ARID5B: variants seen among roughly 807,000 people sequenced by gnomAD.
The protein encoded by ARID5B is AT-rich interactive domain-containing protein 5B.
In ARID5B, 13 loss-of-function variants were observed where a neutral mutation model predicts 97.2. That is an observed-to-expected ratio of 0.13 (90% CI 0.09 to 0.21). The LOEUF (loss-of-function observed/expected upper bound fraction) is 0.21. Among genes scored for constraint, ARID5B ranks in the 10% least tolerant of loss-of-function variants. ARID5B has a pLI of 1.00. For missense variants in ARID5B, 1,210 were observed against 1,465.3 expected (o/e 0.83, Z 2.84); for synonymous variants, 556 against 570.3 (o/e 0.97, Z 0.36).
chr10:61,903,210 C>T (rs953184492), intron 2 of ARID5B, among the ~76,000 whole-genome samples: 2 of 151,866 alleles, frequency 1.3e-5, no homozygotes, highest in Admixed American at 6.6e-5. Flanking sequence ...GGTGTGTGCT[C>T]GCCCACTGGC....
In ARID5B at chr10:62,092,704, C is replaced by G; in HGVS notation, c.3241C>G (p.Leu1081Val). 6.2e-7 allele frequency: 1 copy of G among 1,614,112 alleles called. No homozygotes were observed. The highest frequency in any genetic ancestry group is 8.5e-7 in the Non-Finnish European group (1 of 1,180,012). Residue 1081 changes from leucine (L) to valine (V), a missense_variant, in exon 10 of 10, where the codon CTG becomes GTG. Physicochemically the swap from Leu to Val is conservative, Grantham distance 32. Transcript: ENST00000279873. Reference protein sequence around the residue: ...LPLSSPIFPGLYSGSLCNSGL... With the variant: ...LPLSSPIFPGVYSGSLCNSGL... ...CCTCTCCTCCCCTATCTTCCCAGGTCTGTATTCCGGGAGCCTGTGTAACTC... is the reference window on the plus strand; with the variant it reads ...CCTCTCCTCCCCTATCTTCCCAGGTGTGTATTCCGGGAGCCTGTGTAACTC...
At chr10:61,913,882 G>C (rs1048207986) in intron 2 of ARID5B, among the ~76,000 whole-genome samples, 1 of 152,192 alleles carries the variant, frequency 6.6e-6, no homozygotes, top group Non-Finnish European at 1.5e-5. Context: ...CTCCTGAGTA[G>C]CTGGGATTAC....
At chr10:62,035,985 C>T (rs997499678) in intron 4 of ARID5B, among the ~76,000 whole-genome samples, 4 of 151,670 alleles carry the variant, frequency 2.6e-5, no homozygotes, top group Non-Finnish European at 4.4e-5. Flanking sequence ...CCACCATGCC[C>T]ATGTAATTTT....
At chr10:62,082,117 G>A (rs993253022) in intron 8 of ARID5B, among the ~76,000 whole-genome samples, 3 of 151,858 alleles carry the variant, frequency 2.0e-5, no homozygotes, top group African/African-American at 7.3e-5. Context: ...GCTTTGGGGT[G>A]GAAAATGTTA....
chr10:61,940,471 GA>G (rs1844380896), intron 3 of ARID5B, 63 bp downstream of exon 3: 1 of 1,363,574 alleles, frequency 7.3e-7, no homozygotes, highest in Non-Finnish European at 1.0e-6. Flanking sequence ...TTCGGTTGAA[GA>G]TTTTTCTGGA....
At chr10:62,043,673 G>T (rs541265856) in intron 4 of ARID5B, among the ~76,000 whole-genome samples, 1 of 152,198 alleles carries the variant, frequency 6.6e-6, no homozygotes, top group East Asian at 1.9e-4. Context: ...CTGTTTTTAA[G>T]TGTTTCTGAG....
At chr10:62,069,959 T>C (rs1159966322) in intron 8 of ARID5B, among the ~76,000 whole-genome samples, 162 bp downstream of exon 8, 2 of 152,122 alleles carry the variant, frequency 1.3e-5, no homozygotes, top group African/African-American at 4.8e-5. Context: ...TTAGGGAACA[T>C]GGCTTTCTCT....
intron 2 of ARID5B, among the ~76,000 whole-genome samples, chr10:61,921,442 C>T (rs1267511879): frequency 6.6e-6 from 1 of 152,224 alleles, no homozygotes; most frequent in Non-Finnish European, 1.5e-5. Context: ...GCCCTCAGTT[C>T]CTCTCAGGCA....
At chr10:61,973,874 A>G (rs1226097290) in intron 3 of ARID5B, among the ~76,000 whole-genome samples, 3 of 152,266 alleles carry the variant, frequency 2.0e-5, no homozygotes, top group African/African-American at 7.2e-5. Context: ...ATGCTTTTAC[A>G]GTGCAGTGCG....
At position 62,031,355 on chromosome 10, in the gene ARID5B, T is replaced by C. The variant is rs1354715892; in HGVS notation, c.734-19533T>C. Reference sequence around the variant, plus strand: ...ACAAGAAGGACCTCTTAAGTGTAGATTGGTCCACTTTTCTGCCTTCCAGCA... The same window carrying C: ...ACAAGAAGGACCTCTTAAGTGTAGACTGGTCCACTTTTCTGCCTTCCAGCA... On this transcript the variant is annotated intron_variant, in intron 4 of 9. Transcript: ENST00000279873. 2.0e-5 allele frequency among the ~76,000 whole-genome samples: 3 copies of C among 151,976 alleles called. No homozygotes were observed. The East Asian group carries it at 5.8e-4, about 30-fold the overall frequency.
In ARID5B at chr10:62,050,876, AT is replaced by A. The variant is rs1290880769; in HGVS notation, c.734-9del. 1 of 1,610,400 alleles carries A rather than the reference AT, an allele frequency of 6.2e-7. No individual in the cohort carries two copies. The highest frequency in any genetic ancestry group is 1.1e-5 in the South Asian group (1 of 90,770). On this transcript the variant is annotated splice_polypyrimidine_tract_variant and intron_variant, in intron 4 of 9. Transcript: ENST00000279873. ...TGAAAATGTATATCAATTGTTTTCCATTTGTTTTCAGCGCCAAATCTTAAAG... is the reference window on the plus strand; with the variant it reads ...TGAAAATGTATATCAATTGTTTTCCATTGTTTTCAGCGCCAAATCTTAAAG...
At chr10:61,945,778 T>A (rs1357546790) in intron 3 of ARID5B, among the ~76,000 whole-genome samples, 1 of 152,042 alleles carries the variant, frequency 6.6e-6, no homozygotes, top group Non-Finnish European at 1.5e-5. Flanking sequence ...TAGTACATTA[T>A]TATTATCAGA....
At chr10:61,940,098 T>A in intron 2 of ARID5B, 85 bp from the exon 3 acceptor site, 6 of 1,276,704 alleles carry the variant, frequency 4.7e-6, no homozygotes, top group Non-Finnish European at 6.8e-6. Context: ...TCACATGGCA[T>A]TTCAGATGGG....
intron 2 of ARID5B, among the ~76,000 whole-genome samples, chr10:61,908,820 A>AAAAAAG (rs1251041161): frequency 1.4e-5 from 2 of 146,262 alleles, no homozygotes; most frequent in African/African-American, 5.3e-5. Context: ...AAAAAAAAAA[A>AAAAAAG]AAGAAGAAGA....
chr10:62,006,346 G>A (rs1376060233), intron 4 of ARID5B, among the ~76,000 whole-genome samples: 1 of 152,172 alleles, frequency 6.6e-6, no homozygotes, highest in East Asian at 1.9e-4. Context: ...GGAGGCTGAG[G>A]CAGGAGAATC....
At chr10:62,068,734 T>A (rs143532255) in intron 7 of ARID5B, among the ~76,000 whole-genome samples, 103 of 152,266 alleles carry the variant, frequency 6.8e-4, no homozygotes, top group African/African-American at 2.3e-3. Context: ...GCCGCAGAAC[T>A]TGTTCTGTCT....
At chr10:62,084,957 ACTAAACTGT>A (rs1564647559) in intron 8 of ARID5B, among the ~76,000 whole-genome samples, 1 of 152,198 alleles carries the variant, frequency 6.6e-6, no homozygotes, top group East Asian at 1.9e-4. Context: ...GTGGGATAAG[ACTAAACTGT>A]CTCTTGGCCA....
At chr10:61,901,821 C>A in intron 1 of ARID5B, 91 bp downstream of exon 1, 1 of 1,030,640 alleles carries the variant, frequency 9.7e-7, no homozygotes. Flanking sequence ...CCACCCACAC[C>A]CCCCACAAAC....
At chr10:61,907,056 T>C (rs1302809001) in intron 2 of ARID5B, among the ~76,000 whole-genome samples, 3 of 152,220 alleles carry the variant, frequency 2.0e-5, no homozygotes, top group Admixed American at 6.5e-5. Flanking sequence ...ACTGAAAAGT[T>C]TTTCCGTGTG....
Sources: gnomAD v4.1 joint callset for allele counts (sites outside exome capture counted in the v4.1 genomes callset) on GRCh38, gnomAD v4.1.1 for gene constraint, MANE v1.5 for transcripts, NCBI Gene and HGNC (gene_info 2026-07-23, HGNC 2026-07-21) for gene names.